Variants in ARL17B observed in about 807,000 individuals in gnomAD.
ARL17B encodes the protein ARF like GTPase 17B, also known as ADP-ribosylation factor-like protein 17.
chr17:46,324,382 C>T (rs1401284362), intron 3 of ARL17B, among the ~76,000 whole-genome samples: 2 of 83,872 alleles, frequency 2.4e-5, no homozygotes, highest in South Asian at 5.2e-4. Flanking sequence ...TGTTTCTTAC[C>T]TAAGAAATCT....
chr17:46,280,560 G>A (rs1168092753), intron 4 of ARL17B, among the ~76,000 whole-genome samples: 1 of 143,856 alleles, frequency 7.0e-6, no homozygotes, highest in Non-Finnish European at 1.5e-5. Context: ...CCTTATTTTT[G>A]ATAGCACACT....
intron 4 of ARL17B, among the ~76,000 whole-genome samples, chr17:46,277,641 C>CTTTTCTTTTCTTTG: frequency 6.8e-6 from 1 of 146,614 alleles, no homozygotes; most frequent in Middle Eastern, 3.7e-3. Flanking sequence ...CTTTTCTTTT[C>CTTTTCTTTTCTTTG]TTTCTTTCTT....
intron 3 of ARL17B, among the ~76,000 whole-genome samples, chr17:46,317,282 A>G (rs1238119347): frequency 1.2e-5 from 1 of 81,454 alleles, no homozygotes; most frequent in East Asian, 2.4e-4. Flanking sequence ...TTGAGCCTCA[A>G]GCCTCCCAAG....
chr17:46,291,065 C>T (rs62073178), intron 4 of ARL17B, among the ~76,000 whole-genome samples: 21,376 of 151,708 alleles, frequency 0.14, 1,752 homozygotes, highest in Non-Finnish European at 0.21. Context: ...TATCTAGTCT[C>T]ATAAAGTCAA....
chr17:46,282,506 C>T (rs1323619204), intron 4 of ARL17B, among the ~76,000 whole-genome samples: 1 of 151,874 alleles, frequency 6.6e-6, no homozygotes, highest in Non-Finnish European at 1.5e-5. Flanking sequence ...CCTCAAACTC[C>T]TGTACTCAAG....
intron 4 of ARL17B, among the ~76,000 whole-genome samples, chr17:46,284,224 A>C (rs1322042179): frequency 6.6e-6 from 1 of 152,260 alleles, no homozygotes; most frequent in Non-Finnish European, 1.5e-5. Context: ...ATTTCAGACT[A>C]TCACATGGGG....
At chr17:46,276,489 T>TA (rs2049590124) in intron 4 of ARL17B, among the ~76,000 whole-genome samples, 1 of 152,188 alleles carries the variant, frequency 6.6e-6, no homozygotes, top group African/African-American at 2.4e-5. Flanking sequence ...TGATTCCAGT[T>TA]AAAAATTTAG....
chr17:46,290,087 G>A (rs2732602), intron 4 of ARL17B, among the ~76,000 whole-genome samples: 1 of 152,136 alleles, frequency 6.6e-6, no homozygotes, highest in Non-Finnish European at 1.5e-5. Flanking sequence ...CCACTGTGCT[G>A]CAATGTAGAT....
At chr17:46,281,995 A>G (rs1002746786) in intron 4 of ARL17B, among the ~76,000 whole-genome samples, 1 of 151,842 alleles carries the variant, frequency 6.6e-6, no homozygotes, top group Non-Finnish European at 1.5e-5. Context: ...CCTGCTGCCT[A>G]CTTTTCTTGC....
chr17:46,289,213 C>CACTTTG (rs1192307277), intron 4 of ARL17B, among the ~76,000 whole-genome samples: 2 of 152,150 alleles, frequency 1.3e-5, no homozygotes, highest in Non-Finnish European at 2.9e-5. Context: ...ATAAGAGTCT[C>CACTTTG]ACTTTGTCAC....
At chr17:46,285,909 C>G (rs59820486) in intron 4 of ARL17B, among the ~76,000 whole-genome samples, 1 of 152,228 alleles carries the variant, frequency 6.6e-6, no homozygotes, top group South Asian at 2.1e-4. Context: ...CTGTAAGGAA[C>G]GGAGCACCCT....
intron 4 of ARL17B, among the ~76,000 whole-genome samples, chr17:46,284,852 A>G (rs2049862244): frequency 6.6e-6 from 1 of 152,222 alleles, no homozygotes; most frequent in Non-Finnish European, 1.5e-5. Context: ...GTTTCAATCC[A>G]ATGCACTATA....
rs548960625 is a variant in ARL17B, at chr17:46,293,010, G to C, written c.*21+6516C>G. The C allele has an allele frequency of 1.0e-3, 50 of 48,466 alleles. 8 individuals are homozygous for C. Among genetic ancestry groups the C allele is most frequent in the African/African-American group, 2.3e-3 (46 of 19,590 alleles). The allele number at this position is 48,466 out of a possible 1,614,324, so 3.0% of individuals were successfully genotyped here. On this transcript the variant is annotated intron_variant, in intron 4 of 4. Transcript: ENST00000570618. ...GCTCTGTTGTCCAGGCTGGAGTGCA[G>C]TGGTATGATCCCAGCTCATTGCAAC...
At chr17:46,274,783 CTT>C (rs66460964) in exon 5 of ARL17B, 8,551 of 144,914 alleles carry the variant, frequency 0.059, 1 homozygote, top group Middle Eastern at 0.1. Context: ...CTTTCTTTTT[CTT>C]TTTTTTTTTT....
intron 4 of ARL17B, among the ~76,000 whole-genome samples, chr17:46,283,894 T>C (rs1423880784): frequency 6.6e-6 from 1 of 152,214 alleles, no homozygotes; most frequent in Non-Finnish European, 1.5e-5. Context: ...CTCTGCATCA[T>C]AGACAAGGTA....
chr17:46,278,653 C>T (rs1239374294), intron 4 of ARL17B, among the ~76,000 whole-genome samples: 8 of 152,088 alleles, frequency 5.3e-5, no homozygotes, highest in African/African-American at 1.2e-4. Context: ...ACACCCGCCT[C>T]GGCCTCCCAA....
chr17:46,289,414 G>A (rs555954527), intron 4 of ARL17B, among the ~76,000 whole-genome samples: 1 of 149,402 alleles, frequency 6.7e-6, no homozygotes, highest in South Asian at 2.1e-4. Context: ...CAAGTGATCT[G>A]CCTGCCTTTG....
intron 4 of ARL17B, among the ~76,000 whole-genome samples, chr17:46,286,119 T>C (rs2049900488): frequency 6.6e-6 from 1 of 152,200 alleles, no homozygotes. Context: ...GAAATGTGAG[T>C]TCAAAACAGA....
At chr17:46,277,103 C>T (rs1234007176) in intron 4 of ARL17B, among the ~76,000 whole-genome samples, 2 of 152,308 alleles carry the variant, frequency 1.3e-5, no homozygotes, top group South Asian at 2.1e-4. Context: ...CTGCACACAG[C>T]CTAATTTGTT....
Sources: allele counts gnomAD v4.1 joint callset (sites outside exome capture counted in the v4.1 genomes callset), GRCh38; gene constraint gnomAD v4.1.1; transcripts MANE v1.5; gene names NCBI Gene and HGNC (gene_info 2026-07-23, HGNC 2026-07-21).